OPCML: variants seen among roughly 807,000 people sequenced by gnomAD.
The protein encoded by OPCML is opioid-binding protein/cell adhesion molecule.
A neutral mutation model predicts 37.8 loss-of-function variants in OPCML; 13 were observed. The observed-to-expected ratio is 0.34, with a 90% confidence interval of 0.22 to 0.55. The LOEUF is 0.55. Ranked by LOEUF, OPCML falls within the 20% of genes least tolerant of loss-of-function variation. OPCML has a pLI of 0.91. For synonymous variants in OPCML, 176 were observed against 168.8 expected (o/e 1.04, Z -0.33); for missense variants, 341 against 435.6 (o/e 0.78, Z 1.93).
chr11:133,111,061 G>A (rs1034962056), intron 1 of OPCML, among the ~76,000 whole-genome samples: 1 of 152,112 alleles, frequency 6.6e-6, no homozygotes, highest in African/African-American at 2.4e-5. Flanking sequence ...CCCAAATAAG[G>A]AGCTGAGGTG....
rs149268377 is a variant in OPCML, at chr11:132,988,421, G to A, written c.62-45411C>T. Among the ~76,000 whole-genome samples, 400 of 152,182 alleles carry A rather than the reference G, an allele frequency of 2.6e-3. 2 individuals are homozygous for A. The highest frequency in any genetic ancestry group is 8.9e-3 in the African/African-American group (370 of 41,512). On this transcript the variant is annotated intron_variant, in intron 1 of 7. Coordinates refer to ENST00000524381, the MANE Select transcript of OPCML (RefSeq NM_001012393.5). ...GTCTCATCTCTGCCAAGGGAAGTAC[G>A]GAAAGAAAGACTCCTCTGTAATTCT...
chr11:132,942,744 A>T (rs1268478769), intron 2 of OPCML, among the ~76,000 whole-genome samples, 182 bp downstream of exon 2: 1 of 152,214 alleles, frequency 6.6e-6, no homozygotes, highest in African/African-American at 2.4e-5. Flanking sequence ...TAGCCGGAGC[A>T]CAGGACAAAC....
rs571263012 is a variant in OPCML at position 132,951,791 on chromosome 11, G to T, written c.62-8781C>A. Among the ~76,000 whole-genome samples, 34 of 152,238 alleles carry T rather than the reference G, an allele frequency of 2.2e-4. No individual in the cohort carries two copies. In the South Asian group the frequency reaches 7.0e-3, roughly 32 times the overall value. On this transcript the variant is annotated intron_variant, in intron 1 of 7. Coordinates refer to ENST00000524381, the MANE Select transcript of OPCML (RefSeq NM_001012393.5). The stretch of plus-strand genomic sequence containing the variant: ...TTTTCTGTGTGTGTATATAATAAAA[G>T]AAACAGGACAGGTTTTTCTCTGAGT...
intron 1 of OPCML, among the ~76,000 whole-genome samples, chr11:133,264,132 G>C (rs1941577759): frequency 6.6e-6 from 1 of 152,170 alleles, no homozygotes; most frequent in African/African-American, 2.4e-5. Flanking sequence ...GAGTTGCTGA[G>C]AGTGGCAGGT....
At chr11:133,112,421 G>A (rs79374870) in intron 1 of OPCML, among the ~76,000 whole-genome samples, 11,107 of 151,634 alleles carry the variant, frequency 0.073, 1,308 homozygotes, top group African/African-American at 0.25. Context: ...CTGAGTATAT[G>A]ACAGATGAAA....
chr11:132,604,277 T>A (rs1386331736), intron 3 of OPCML, among the ~76,000 whole-genome samples: 7 of 131,626 alleles, frequency 5.3e-5, no homozygotes, highest in Non-Finnish European at 9.2e-5. Flanking sequence ...TGTGTTTATT[T>A]TCGTAAAAAA....
intron 2 of OPCML, among the ~76,000 whole-genome samples, chr11:132,730,365 A>T (rs188452075): frequency 4.8e-4 from 73 of 152,344 alleles, no homozygotes; most frequent in African/African-American, 1.6e-3. Context: ...AAATAAAGAC[A>T]CAACAAGTAA....
chr11:133,227,836 G>A (rs569561764), intron 1 of OPCML, among the ~76,000 whole-genome samples: 5 of 152,282 alleles, frequency 3.3e-5, no homozygotes, highest in South Asian at 2.1e-4. Context: ...CAGCAAAGAA[G>A]CATTCGACTT....
At chr11:132,888,451 C>T (rs76542061) in intron 2 of OPCML, among the ~76,000 whole-genome samples, 9,316 of 152,210 alleles carry the variant, frequency 0.061, 414 homozygotes, top group Non-Finnish European at 0.097. Context: ...GGAGAAGGAA[C>T]GTGAAGGAGC....
intron 1 of OPCML, among the ~76,000 whole-genome samples, chr11:133,213,079 G>A (rs1939431996): frequency 6.6e-6 from 1 of 152,150 alleles, no homozygotes; most frequent in African/African-American, 2.4e-5. Context: ...ATGATGTAGA[G>A]CAACACCATG....
chr11:132,589,150 A>T (rs890596351), intron 3 of OPCML, among the ~76,000 whole-genome samples: 2 of 152,204 alleles, frequency 1.3e-5, no homozygotes, highest in Non-Finnish European at 2.9e-5. Context: ...TATGCAATCC[A>T]TCTAATATTC....
rs79626404 is a variant in OPCML, at chr11:132,898,752, G to T, written c.146+44174C>A. Among the ~76,000 whole-genome samples, 497 of 152,230 alleles carry T rather than the reference G, an allele frequency of 3.3e-3. 7 individuals are homozygous for T. The highest frequency in any genetic ancestry group is 0.03 in the East Asian group (156 of 5,176). The stretch of plus-strand genomic sequence containing the variant: ...TCCTTTTCCCATGATTTTATGCTCT[G>T]CTGACCTAGAGGTCTTAGTTCCAGA... On this transcript the variant is annotated intron_variant, in intron 2 of 7. Transcript: ENST00000524381.
intron 2 of OPCML, among the ~76,000 whole-genome samples, chr11:132,929,423 A>G (rs542940893): frequency 2.6e-5 from 4 of 152,274 alleles, no homozygotes; most frequent in African/African-American, 7.2e-5. Flanking sequence ...ACCTCCCAAA[A>G]AAGAAAAGCC....
intron 1 of OPCML, among the ~76,000 whole-genome samples, chr11:132,988,655 A>G (rs1946722292): frequency 6.6e-6 from 1 of 152,190 alleles, no homozygotes. Flanking sequence ...TAGTTCTGAC[A>G]CAATGTCACT....
In OPCML at chr11:132,440,176, T is replaced by A. The variant is rs139624722; in HGVS notation, c.506-2817A>T. On this transcript the variant is annotated intron_variant, in intron 4 of 7. Transcript: ENST00000524381. ...TGTGATGCTGTTTTTATGGGACCAG[T>A]TATGCAACAGCAGAAATGGAAGGAA... 1.5e-3 allele frequency among the ~76,000 whole-genome samples: 223 copies of A among 152,232 alleles called. 1 individual carries two copies. Among genetic ancestry groups the A allele is most frequent in the African/African-American group, 5.0e-3 (209 of 41,548 alleles).
At chr11:133,080,577 CCCAGGTCTGGGGTG>C (rs1948699028) in intron 1 of OPCML, among the ~76,000 whole-genome samples, 1 of 151,642 alleles carries the variant, frequency 6.6e-6, no homozygotes, top group Non-Finnish European at 1.5e-5. Flanking sequence ...AGAGGACACC[CCCAGGTCTGGGGTG>C]CCATATTCAC....
chr11:133,339,599 C>T (rs1156473329), intron 1 of OPCML, among the ~76,000 whole-genome samples: 22 of 152,186 alleles, frequency 1.4e-4, no homozygotes, highest in Admixed American at 1.2e-3. Flanking sequence ...GCTCTGCCTT[C>T]CCCTTCTTTG....
At chr11:133,318,089 T>G (rs756775414) in intron 1 of OPCML, among the ~76,000 whole-genome samples, 1 of 152,236 alleles carries the variant, frequency 6.6e-6, no homozygotes, top group Non-Finnish European at 1.5e-5. Context: ...ACAACCTGCC[T>G]CTGTGATGTC....
At chr11:132,451,044 C>T (rs2096067301) in intron 4 of OPCML, among the ~76,000 whole-genome samples, 2 of 152,140 alleles carry the variant, frequency 1.3e-5, no homozygotes, top group Admixed American at 1.3e-4. Context: ...TAAATCTCAC[C>T]TAGAATCTCA....
Sources: gnomAD v4.1 joint callset for allele counts (sites outside exome capture counted in the v4.1 genomes callset) on GRCh38, gnomAD v4.1.1 for gene constraint, MANE v1.5 for transcripts, NCBI Gene and HGNC (gene_info 2026-07-23, HGNC 2026-07-21) for gene names.